The following CYP2C19 variants were observed in gnomAD, a reference collection of about 807,000 sequenced individuals.
CYP2C19 encodes the protein cytochrome P450 2C19.
CYP2C19 carries 59 observed loss-of-function variants against 40.9 expected under a neutral mutation model. The observed-to-expected ratio is 1.44, with a 90% CI of 1.17 to 1.79. The LOEUF (loss-of-function observed/expected upper bound fraction) is 1.79, where lower values mean the gene tolerates loss of function less well. Ranked by LOEUF, CYP2C19 falls within the 40% of genes most tolerant of loss-of-function variation. CYP2C19 has a pLI of 0.00. For missense variants in CYP2C19, 754 were observed against 596.9 expected (o/e 1.26, Z -2.74); for synonymous variants, 253 against 208.7 (o/e 1.21, Z -1.83).
chr10:94,853,347 C>A lies in CYP2C19; in HGVS notation c.*433C>A. Reference sequence around the variant, plus strand: ...AGTTCCAGGAGGCCATGCTGGTTCTCAAAACGATAAGGACAGAAAGGACAA... The same window carrying A: ...AGTTCCAGGAGGCCATGCTGGTTCTAAAAACGATAAGGACAGAAAGGACAA... On this transcript the variant is annotated 3_prime_UTR_variant, in exon 9 of 9. Transcript: ENST00000371321. 2.5e-6 allele frequency: 1 copy of A among 400,260 alleles called. No homozygotes were observed. Among genetic ancestry groups the A allele is most frequent in the South Asian group, 2.0e-5 (1 of 51,164 alleles). 24.8% of individuals were successfully genotyped at this position (400,260 alleles called of 1,614,324 possible). A position where few individuals can be genotyped will look rare whatever the true frequency, so the allele number is the denominator to read the frequency against.
chr10:94,782,007 TAAC>T lies in CYP2C19; in HGVS notation c.819+13_819+15del. 1 of 1,533,726 alleles carries T rather than the reference TAAC, an allele frequency of 6.5e-7. No individual in the cohort carries two copies. The highest frequency in any genetic ancestry group is 8.7e-7 in the Non-Finnish European group (1 of 1,148,814). On this transcript the variant is annotated intron_variant, in intron 5 of 8. Transcript: ENST00000371321. ...GATCAAAATGGAGAAGGTAAAATGT[TAAC>T]AAAAGCTTAGTTATGTGACTGCTTG...
At chr10:94,782,255 A>G (rs1848489233) in intron 5 of CYP2C19, among the ~76,000 whole-genome samples, 1 of 152,138 alleles carries the variant, frequency 6.6e-6, no homozygotes, top group African/African-American at 2.4e-5. Flanking sequence ...AGGATAGGAA[A>G]AGCTCTGTTC....
intron 6 of CYP2C19, among the ~76,000 whole-genome samples, chr10:94,830,630 C>T (rs1445212779): frequency 8.5e-5 from 13 of 152,218 alleles, no homozygotes. Context: ...GTCACTCATG[C>T]TGGGAGCTGT....
At chr10:94,780,255 G>A (rs1447250188) in intron 3 of CYP2C19, among the ~76,000 whole-genome samples, 1 of 152,022 alleles carries the variant, frequency 6.6e-6, no homozygotes, top group Non-Finnish European at 1.5e-5. Context: ...AGACAAATAG[G>A]CCGGGAATGT....
rs928387576 is a variant in CYP2C19 at position 94,805,900 on chromosome 10, G to T, written c.820-14596G>T. 1.2e-4 allele frequency among the ~76,000 whole-genome samples: 18 copies of T among 152,144 alleles called. No individual in the cohort carries two copies. The East Asian group carries it at 2.7e-3, about 23-fold the overall frequency. Reference sequence around the variant, plus strand: ...TATGTGCCAGATACTGTGCGGACTAGCTGCAATTAAAATTCCCATTCCCTT... The same window carrying T: ...TATGTGCCAGATACTGTGCGGACTATCTGCAATTAAAATTCCCATTCCCTT... On this transcript the variant is annotated intron_variant, in intron 5 of 8. Coordinates refer to ENST00000371321, the MANE Select transcript of CYP2C19 (RefSeq NM_000769.4).
intron 1 of CYP2C19, among the ~76,000 whole-genome samples, chr10:94,769,000 A>C (rs1848289782): frequency 6.6e-6 from 1 of 152,138 alleles, no homozygotes. Flanking sequence ...CATAGTTGGC[A>C]AAAGTCGGTG....
intron 5 of CYP2C19, among the ~76,000 whole-genome samples, chr10:94,795,766 AT>A (rs1256510717): frequency 6.6e-6 from 1 of 151,978 alleles, no homozygotes; most frequent in Non-Finnish European, 1.5e-5. Context: ...GATGATGAAC[AT>A]TTTTTCATGT....
chr10:94,835,147 G>A (rs1849383436), intron 6 of CYP2C19, among the ~76,000 whole-genome samples: 1 of 152,142 alleles, frequency 6.6e-6, no homozygotes, highest in Admixed American at 6.5e-5. Flanking sequence ...TTCAATTCTG[G>A]AAGAGACACA....
intron 5 of CYP2C19, among the ~76,000 whole-genome samples, chr10:94,784,062 C>T (rs1394740274): frequency 1.3e-5 from 2 of 152,148 alleles, no homozygotes; most frequent in Non-Finnish European, 2.9e-5. Flanking sequence ...AATAATCACT[C>T]CATTCCCCCA....
chr10:94,774,792 G>A (rs748902185), intron 1 of CYP2C19: 2 of 438,030 alleles, frequency 4.6e-6, no homozygotes, highest in Non-Finnish European at 4.1e-6. Context: ...GTTTAAAATA[G>A]AGCAAATAGA....
At chr10:94,812,132 G>T (rs540435005) in intron 5 of CYP2C19, among the ~76,000 whole-genome samples, 1 of 152,146 alleles carries the variant, frequency 6.6e-6, no homozygotes, top group South Asian at 2.1e-4. Context: ...CTTTGCCTAT[G>T]AAGCTTAATT....
Position 94,816,402 on chromosome 10 carries a change from G to C in CYP2C19, c.820-4094G>C, listed in dbSNP as rs189562264. Among the ~76,000 whole-genome samples the C allele has an allele frequency of 3.3e-5, 5 of 152,148 alleles. No homozygotes were observed. The East Asian group carries it at 9.7e-4, about 29-fold the overall frequency. On this transcript the variant is annotated intron_variant, in intron 5 of 8. Transcript: ENST00000371321. Reference sequence around the variant, plus strand: ...TTAGGAACAGTAGTATCAAAAGTGAGTGCTAATTAGAGAGCTGTTAGAGAA... The same window carrying C: ...TTAGGAACAGTAGTATCAAAAGTGACTGCTAATTAGAGAGCTGTTAGAGAA...
At chr10:94,849,836 A>T in intron 7 of CYP2C19, 81 bp from the exon 8 acceptor site, 1 of 1,534,992 alleles carries the variant, frequency 6.5e-7, no homozygotes, top group South Asian at 1.1e-5. Flanking sequence ...ACATCAAAAG[A>T]TTTAACTGCA....
intron 5 of CYP2C19, among the ~76,000 whole-genome samples, chr10:94,782,809 G>T (rs1848496359): frequency 6.6e-6 from 1 of 152,106 alleles, no homozygotes; most frequent in Non-Finnish European, 1.5e-5. Flanking sequence ...GTCCTCTGCA[G>T]GGACATAGAT....
intron 6 of CYP2C19, among the ~76,000 whole-genome samples, chr10:94,829,702 C>T (rs1270017573): frequency 1.3e-5 from 2 of 152,052 alleles, no homozygotes; most frequent in Admixed American, 1.3e-4. Flanking sequence ...TGGTGAGGAA[C>T]TACGTTCCTT....
chr10:94,827,323 A>G (rs1342309294), intron 6 of CYP2C19, among the ~76,000 whole-genome samples: 1 of 152,062 alleles, frequency 6.6e-6, no homozygotes, highest in African/African-American at 2.4e-5. Flanking sequence ...GCTATTGATT[A>G]TTGCCACAAT....
At chr10:94,839,542 A>C (rs568950027) in intron 6 of CYP2C19, among the ~76,000 whole-genome samples, 13 of 152,214 alleles carry the variant, frequency 8.5e-5, no homozygotes. Context: ...CTGCCCCATC[A>C]ACATGCATTC....
chr10:94,799,330 C>T (rs997182520), intron 5 of CYP2C19, among the ~76,000 whole-genome samples: 2 of 151,466 alleles, frequency 1.3e-5, no homozygotes, highest in African/African-American at 4.8e-5. Context: ...AAATATTGGC[C>T]CTCACTCTCT....
chr10:94,843,760 G>A (rs574584788), intron 7 of CYP2C19, among the ~76,000 whole-genome samples: 58 of 151,954 alleles, frequency 3.8e-4, no homozygotes, highest in Middle Eastern at 6.8e-3. Flanking sequence ...TCTCTTTATT[G>A]CATTCATTAT....
Sources: gnomAD v4.1 joint callset for allele counts (sites outside exome capture counted in the v4.1 genomes callset) on GRCh38, gnomAD v4.1.1 for gene constraint, MANE v1.5 for transcripts, NCBI Gene and HGNC (gene_info 2026-07-23, HGNC 2026-07-21) for gene names.